The following PDE10A variants were observed in gnomAD, a reference collection of about 807,000 sequenced individuals.
PDE10A encodes the protein phosphodiesterase 10A.
In PDE10A, 39 loss-of-function variants were observed where a neutral mutation model predicts 97.7. The observed-to-expected ratio is 0.40, with a 90% CI of 0.31 to 0.52. PDE10A has a LOEUF of 0.52. PDE10A is among the 20% of genes least tolerant of loss of function. The pLI is 0.56. For missense variants in PDE10A, 731 were observed against 1,047.8 expected (o/e 0.70, Z 4.17); for synonymous variants, 371 against 376.8 (o/e 0.98, Z 0.18).
intron 1 of PDE10A, among the ~76,000 whole-genome samples, chr6:165,653,893 GC>G (rs934604056): frequency 6.6e-6 from 1 of 151,928 alleles, no homozygotes; most frequent in Non-Finnish European, 1.5e-5. Flanking sequence ...TCTGCACAAA[GC>G]CCCCCAGCCA....
intron 1 of PDE10A, among the ~76,000 whole-genome samples, chr6:165,901,051 C>T (rs112540422): frequency 5.3e-5 from 8 of 152,158 alleles, no homozygotes; most frequent in Non-Finnish European, 8.8e-5. Context: ...GCACTGTAGA[C>T]AGCAGCACGT....
chr6:165,692,611 ATATAT>A (rs1245796038), intron 1 of PDE10A, among the ~76,000 whole-genome samples: 3 of 152,204 alleles, frequency 2.0e-5, no homozygotes, highest in Non-Finnish European at 4.4e-5. Context: ...TACTGGTTAA[ATATAT>A]CAAGAGAAGA....
intron 1 of PDE10A, among the ~76,000 whole-genome samples, chr6:165,627,065 G>A (rs1361870194): frequency 1.3e-5 from 2 of 152,342 alleles, no homozygotes; most frequent in South Asian, 2.1e-4. Context: ...AGGCAGGATT[G>A]CAAGTCCAGG....
chr6:165,862,703 G>A (rs1473978007), intron 1 of PDE10A, among the ~76,000 whole-genome samples: 2 of 138,008 alleles, frequency 1.4e-5, no homozygotes, highest in East Asian at 2.1e-4. Flanking sequence ...TTTTTGAGAC[G>A]GAGTCTTCCT....
At chr6:165,712,641 T>C (rs1026326603) in intron 1 of PDE10A, among the ~76,000 whole-genome samples, 2,931 of 138,518 alleles carry the variant, frequency 0.021, 43 homozygotes, top group Middle Eastern at 0.039. Context: ...CTTTTTTTTT[T>C]TTTTTTTTTT....
In PDE10A at chr6:165,328,434, T is replaced by G. The variant is rs558956377; in HGVS notation, c.*4591A>C. On this transcript the variant is annotated 3_prime_UTR_variant, in exon 22 of 22. Coordinates refer to ENST00000539869, the MANE Select transcript of PDE10A (RefSeq NM_001385079.1). ...AAAACATCAGAGGAAAACTGAAATA[T>G]GTAAACTGACTTCCCTACTTAGTAA... 1 of 152,240 alleles carries G rather than the reference T, an allele frequency of 6.6e-6. No homozygotes were observed. Among genetic ancestry groups the G allele is most frequent in the Non-Finnish European group, 1.5e-5 (1 of 68,042 alleles). The allele number at this position is 152,240 out of a possible 1,614,324, so 9.4% of individuals were successfully genotyped here. A position where few individuals can be genotyped will look rare whatever the true frequency, so the allele number is the denominator to read the frequency against.
At chr6:165,813,761 T>C (rs1199200973) in intron 1 of PDE10A, among the ~76,000 whole-genome samples, 1 of 147,660 alleles carries the variant, frequency 6.8e-6, no homozygotes, top group African/African-American at 2.5e-5. Flanking sequence ...ATCCAAACTC[T>C]ATAAAACCTT....
At chr6:165,391,407 A>G (rs1189089257) in intron 16 of PDE10A, among the ~76,000 whole-genome samples, 3 of 152,204 alleles carry the variant, frequency 2.0e-5, no homozygotes, top group African/African-American at 4.8e-5. Context: ...ATAAATTACA[A>G]TGCAACTTGA....
intron 1 of PDE10A, among the ~76,000 whole-genome samples, chr6:165,549,514 C>T (rs1466608766): frequency 6.6e-6 from 1 of 152,040 alleles, no homozygotes; most frequent in African/African-American, 2.4e-5. Context: ...TTAGTAGAGA[C>T]GGGGTTTCAC....
intron 1 of PDE10A, among the ~76,000 whole-genome samples, chr6:165,701,762 TG>T (rs1199757684): frequency 1.4e-5 from 2 of 147,760 alleles, no homozygotes; most frequent in Admixed American, 1.3e-4. Flanking sequence ...TATGTTTGCA[TG>T]TGTGTATGTT....
At chr6:165,840,012 TCATCTGCATCCATTCCCATTCCC>T (rs1780210051) in intron 1 of PDE10A, among the ~76,000 whole-genome samples, 1 of 4,030 alleles carries the variant, frequency 2.5e-4, no homozygotes. Context: ...ATCTCCATCC[TCATCTGCATCCATTCCCATTCCC>T]ATCTCCATCT....
At chr6:165,910,378 A>C (rs1782420073) in intron 1 of PDE10A, among the ~76,000 whole-genome samples, 1 of 152,226 alleles carries the variant, frequency 6.6e-6, no homozygotes, top group Non-Finnish European at 1.5e-5. Flanking sequence ...GTGATGGCTC[A>C]TCAGATAGTC....
intron 3 of PDE10A, among the ~76,000 whole-genome samples, chr6:165,459,145 A>C (rs556400932): frequency 1.3e-5 from 2 of 152,204 alleles, no homozygotes; most frequent in African/African-American, 4.8e-5. Context: ...GAAGCTAGAA[A>C]GCCATAATCC....
At chr6:165,653,769 A>AT (rs1335301843) in intron 1 of PDE10A, among the ~76,000 whole-genome samples, 1 of 152,144 alleles carries the variant, frequency 6.6e-6, no homozygotes, top group Admixed American at 6.5e-5. Context: ...ATGTCATGGT[A>AT]TCTCCCCACA....
Position 165,663,106 on chromosome 6 carries a change from TC to T in PDE10A, c.-296del, listed in dbSNP as rs1205714908. Among the ~76,000 whole-genome samples, 1 of 151,248 alleles carries T rather than the reference TC, an allele frequency of 6.6e-6. No homozygotes were observed. The highest frequency in any genetic ancestry group is 2.4e-5 in the African/African-American group (1 of 41,166). On this transcript the variant is annotated 5_prime_UTR_variant, in exon 1 of 22. Transcript: ENST00000539869. ...CCGGGGCTAGGGACGGCGGAGACCC[TC>T]CCTGCAGGCGTGGCGTGGTGTGTGC...
intron 1 of PDE10A, among the ~76,000 whole-genome samples, chr6:165,919,523 A>C (rs1018238896): frequency 6.6e-6 from 1 of 152,212 alleles, no homozygotes; most frequent in Admixed American, 6.5e-5. Flanking sequence ...GTAGTGAAAC[A>C]TTTAGGCTTT....
At chr6:165,551,115 C>G (rs568202789) in intron 1 of PDE10A, among the ~76,000 whole-genome samples, 1 of 152,258 alleles carries the variant, frequency 6.6e-6, no homozygotes, top group South Asian at 2.1e-4. Flanking sequence ...TTCTTATTAA[C>G]CTGTGTGTGT....
intron 1 of PDE10A, among the ~76,000 whole-genome samples, chr6:165,791,064 C>T (rs1231707921): frequency 6.6e-6 from 1 of 152,084 alleles, no homozygotes; most frequent in Non-Finnish European, 1.5e-5. Flanking sequence ...CCCGCCTCAG[C>T]TTCCTAAGTA....
intron 1 of PDE10A, among the ~76,000 whole-genome samples, chr6:165,834,433 G>A (rs904450307): frequency 5.9e-5 from 9 of 152,208 alleles, no homozygotes; most frequent in Admixed American, 2.6e-4. Context: ...CTGAGCTGGT[G>A]CCCCTGTCTT....
Sources: gnomAD v4.1 joint callset for allele counts (sites outside exome capture counted in the v4.1 genomes callset) on GRCh38, gnomAD v4.1.1 for gene constraint, MANE v1.5 for transcripts, NCBI Gene and HGNC (gene_info 2026-07-23, HGNC 2026-07-21) for gene names.